Variants in FAM13B observed in about 807,000 individuals in gnomAD.
The protein encoded by FAM13B is protein FAM13B.
FAM13B carries 60 observed loss-of-function variants against 117.3 expected under a neutral mutation model. The ratio of observed to expected loss-of-function variants is 0.51; its 90% CI spans 0.42 to 0.63. The LOEUF (loss-of-function observed/expected upper bound fraction) is 0.63. FAM13B is among the 30% of genes least tolerant of loss of function. FAM13B has a pLI of 0.00. For synonymous variants in FAM13B, 332 were observed against 356.1 expected (o/e 0.93, Z 0.76); for missense variants, 972 against 1,091.9 (o/e 0.89, Z 1.55).
rs555223544 is a variant in FAM13B at position 138,012,138 on chromosome 5, G to A, written c.371-193C>T. 2.6e-5 allele frequency among the ~76,000 whole-genome samples: 4 copies of A among 151,730 alleles called. No individual in the cohort carries two copies. The East Asian group carries it at 7.7e-4, about 29-fold the overall frequency. ...TGAAATGGAGAAGAGGTGGAGAAGA[G>A]GAGCTGGAAAAAAGGAACTCAATCC... On this transcript the variant is annotated intron_variant, in intron 4 of 23. Coordinates refer to ENST00000689681, the MANE Select transcript of FAM13B (RefSeq NM_001385994.1).
chr5:137,987,868 T>C (rs554905083), intron 8 of FAM13B, among the ~76,000 whole-genome samples: 1 of 152,286 alleles, frequency 6.6e-6, no homozygotes, highest in South Asian at 2.1e-4. Flanking sequence ...GAAAGATCAG[T>C]TGTCCCTATA....
upstream of FAM13B, chr5:138,036,964 T>C (rs962521540): frequency 2.1e-5 from 6 of 285,742 alleles, no homozygotes; most frequent in African/African-American, 1.3e-4. Flanking sequence ...AGGATGCTGG[T>C]AAACATCCTT....
At chr5:137,947,737 C>A (rs1763838287) in intron 18 of FAM13B, among the ~76,000 whole-genome samples, 1 of 152,074 alleles carries the variant, frequency 6.6e-6, no homozygotes, top group Admixed American at 6.6e-5. Context: ...TGTGCCACCA[C>A]AACCTGCTAA....
At chr5:137,986,440 A>C (rs1777261537) in intron 9 of FAM13B, among the ~76,000 whole-genome samples, 1 of 148,142 alleles carries the variant, frequency 6.8e-6, no homozygotes. Flanking sequence ...CCCCCCAAAA[A>C]AAATTGATAT....
Position 138,007,001 on chromosome 5 carries a change from A to G in FAM13B, c.837T>C (p.Val279=). The change falls in exon 7 of 24, where the codon GTT becomes GTC. Residue 279 remains valine (V), a synonymous_variant. Transcript: ENST00000689681. The stretch of plus-strand genomic sequence containing the variant: ...AACTGAGCTATTACCTTGTTGCCGT[A>G]ACACTATTTGATTCCAGGATGTTTT... ...MTENILESNS[V]TATSTHISPI... is the part of the protein sequence containing the mutation. 1 of 1,607,162 alleles carries G rather than the reference A, an allele frequency of 6.2e-7. No homozygotes were observed. Among genetic ancestry groups the G allele is most frequent in the Non-Finnish European group, 8.5e-7 (1 of 1,178,424 alleles).
intron 7 of FAM13B, among the ~76,000 whole-genome samples, chr5:138,003,841 T>C (rs1781871159): frequency 6.6e-6 from 1 of 152,220 alleles, no homozygotes; most frequent in Non-Finnish European, 1.5e-5. Context: ...GCCTCTGTGT[T>C]TCTAAATTTC....
At chr5:137,943,966 A>C (rs1310813686) in intron 20 of FAM13B, among the ~76,000 whole-genome samples, 2 of 152,114 alleles carry the variant, frequency 1.3e-5, no homozygotes. Context: ...TATCTCCACT[A>C]ATTTCGGAAC....
At chr5:137,967,460 T>C (rs1397101762) in intron 10 of FAM13B, among the ~76,000 whole-genome samples, 1 of 151,728 alleles carries the variant, frequency 6.6e-6, no homozygotes, top group Non-Finnish European at 1.5e-5. Flanking sequence ...GAGGCGGAGG[T>C]TGCAGTGGGC....
At chr5:137,984,913 C>A (rs1434989974) in intron 10 of FAM13B, among the ~76,000 whole-genome samples, 1 of 151,970 alleles carries the variant, frequency 6.6e-6, no homozygotes, top group Non-Finnish European at 1.5e-5. Context: ...GGATTACAGG[C>A]GCCCACCACC....
intron 1 of FAM13B, among the ~76,000 whole-genome samples, chr5:138,026,938 C>CAAAG (rs1173874071): frequency 7.3e-6 from 1 of 137,344 alleles, no homozygotes; most frequent in African/African-American, 2.7e-5. Flanking sequence ...GACTCCATCT[C>CAAAG]AAATAAATAA....
chr5:137,966,482 T>TAGAGAGAGAGAGAGAGAGAG (rs1244957354), intron 10 of FAM13B, among the ~76,000 whole-genome samples: 1 of 53,870 alleles, frequency 1.9e-5, no homozygotes, highest in African/African-American at 7.1e-5. Context: ...TATATATATA[T>TAGAGAGAGAGAGAGAGAGAG]ATATATAGAG....
chr5:137,951,603 G>A (rs1187418898), intron 17 of FAM13B, among the ~76,000 whole-genome samples: 1 of 152,082 alleles, frequency 6.6e-6, no homozygotes. Context: ...AGGCTGCAGT[G>A]AGCCATGACC....
chr5:138,001,148 C>A (rs1251478962), intron 7 of FAM13B, among the ~76,000 whole-genome samples: 4 of 152,136 alleles, frequency 2.6e-5, no homozygotes, highest in African/African-American at 9.7e-5. Context: ...TAACTTAAAT[C>A]ATCCCCCAAG....
chr5:137,962,843 G>C (rs1030778805), intron 10 of FAM13B, among the ~76,000 whole-genome samples: 1 of 152,022 alleles, frequency 6.6e-6, no homozygotes, highest in African/African-American at 2.4e-5. Flanking sequence ...TTGTAGGTAA[G>C]ATAGGAGTCA....
In FAM13B at chr5:138,018,449, G is replaced by A. The variant is rs1785787159; in HGVS notation, c.223C>T (p.Gln75Ter). The change falls in exon 4 of 24, where the codon CAG becomes TAG. Residue 75 changes from glutamine (Q) to a stop codon, truncating the protein, a stop_gained. Transcript: ENST00000689681. LOFTEE classifies it high-confidence loss of function. Reference protein sequence around the residue: ...GNAETVEWLRQRYDSGEEVDL... With the variant: ...GNAETVEWLR ...ACCTCTTCTCCGCTGTCGTATCTCT[G>A]CCGAAGCCACTCCACTGTCTCAGCA... The A allele has an allele frequency of 6.2e-7, 1 of 1,614,100 alleles. No homozygotes were observed. Among genetic ancestry groups the A allele is most frequent in the Non-Finnish European group, 8.5e-7 (1 of 1,180,008 alleles).
At chr5:137,946,176 A>G (rs1763369160) in intron 19 of FAM13B, 52 bp downstream of exon 19, 2 of 1,478,034 alleles carry the variant, frequency 1.4e-6, no homozygotes, top group East Asian at 4.5e-5. Context: ...AAATTGATTC[A>G]TGTTCTTTTT....
At chr5:137,978,862 C>G (rs1389513643) in intron 10 of FAM13B, among the ~76,000 whole-genome samples, 1 of 152,210 alleles carries the variant, frequency 6.6e-6, no homozygotes, top group Non-Finnish European at 1.5e-5. Context: ...TTCATATAAA[C>G]CACCTTGATA....
intron 1 of FAM13B, among the ~76,000 whole-genome samples, chr5:138,024,284 T>C (rs2151012432): frequency 6.6e-6 from 1 of 151,970 alleles, no homozygotes; most frequent in South Asian, 2.1e-4. Flanking sequence ...CATGCCCTTA[T>C]AAGAAGAGGA....
chr5:137,991,241 T>C lies in FAM13B; in HGVS notation c.849-2926A>G, dbSNP rs78713777. On this transcript the variant is annotated intron_variant, in intron 7 of 23. Coordinates refer to ENST00000689681, the MANE Select transcript of FAM13B (RefSeq NM_001385994.1). Reference sequence around the variant, plus strand: ...AGAAAGAAATATCAGCAAATGAATATATAAAATGGACCAGGATAAATACAA... The same window carrying C: ...AGAAAGAAATATCAGCAAATGAATACATAAAATGGACCAGGATAAATACAA... Among the ~76,000 whole-genome samples the C allele has an allele frequency of 1.0e-2, 1,520 of 152,356 alleles. 30 individuals are homozygous for C. Among genetic ancestry groups the C allele is most frequent in the African/African-American group, 0.034 (1,426 of 41,582 alleles).
Sources: gnomAD v4.1 joint callset for allele counts (sites outside exome capture counted in the v4.1 genomes callset) on GRCh38, gnomAD v4.1.1 for gene constraint, MANE v1.5 for transcripts, NCBI Gene and HGNC (gene_info 2026-07-23, HGNC 2026-07-21) for gene names.